RBFOX3: variants seen among roughly 807,000 people sequenced by gnomAD.
RBFOX3 encodes the protein RNA binding fox-1 homolog 3.
A neutral mutation model predicts 48.7 loss-of-function variants in RBFOX3; 17 were observed. The observed-to-expected ratio is 0.35, with a 90% confidence interval of 0.24 to 0.52. The LOEUF is 0.52. Ranked by LOEUF, RBFOX3 falls within the 20% of genes least tolerant of loss-of-function variation. The pLI is 0.94. For synonymous variants in RBFOX3, 212 were observed against 209.5 expected, an observed-to-expected ratio of 1.01 and a Z score of -0.10; for missense variants, 382 against 497.5, an observed-to-expected ratio of 0.77 and a Z score of 2.21.
intron 1 of RBFOX3, among the ~76,000 whole-genome samples, chr17:79,545,060 A>G (rs2090228508): frequency 6.6e-6 from 1 of 151,878 alleles, no homozygotes; most frequent in Non-Finnish European, 1.5e-5. Flanking sequence ...GAAAAACAAG[A>G]ATGAATCCTG....
At chr17:79,270,641 C>T (rs1418639089) in intron 3 of RBFOX3, among the ~76,000 whole-genome samples, 1 of 152,256 alleles carries the variant, frequency 6.6e-6, no homozygotes, top group Non-Finnish European at 1.5e-5. Context: ...CAAGACTGGT[C>T]CCCCTCCAGG....
At chr17:79,462,984 TCGCCAC>T (rs1404454186) in intron 2 of RBFOX3, among the ~76,000 whole-genome samples, 1 of 150,980 alleles carries the variant, frequency 6.6e-6, no homozygotes, top group African/African-American at 2.4e-5. Context: ...TCCACCACCA[TCGCCAC>T]TGCCACTGCC....
rs75193787 is a variant in RBFOX3 at position 79,112,354 on chromosome 17, G to T, written c.222+3140C>A. Among the ~76,000 whole-genome samples, 404 of 152,298 alleles carry T rather than the reference G, an allele frequency of 2.7e-3. 2 individuals are homozygous for T. The highest frequency in any genetic ancestry group is 9.2e-3 in the African/African-American group (384 of 41,556). Reference sequence around the variant, plus strand: ...GGTGCATCCCACCTGGGTGGTGGAGGTGTCGGGAAAGGCCCTGAGTTGGAT... The same window carrying T: ...GGTGCATCCCACCTGGGTGGTGGAGTTGTCGGGAAAGGCCCTGAGTTGGAT... On this transcript the variant is annotated intron_variant, in intron 5 of 14. Transcript: ENST00000693108.
At chr17:79,413,938 T>C (rs2064890215) in intron 2 of RBFOX3, among the ~76,000 whole-genome samples, 2 of 150,290 alleles carry the variant, frequency 1.3e-5, no homozygotes, top group Non-Finnish European at 3.0e-5. Flanking sequence ...TGGCGTGGGC[T>C]CTGGGGGTAG....
At chr17:79,590,091 G>T (rs2093373343) in intron 1 of RBFOX3, among the ~76,000 whole-genome samples, 2 of 152,016 alleles carry the variant, frequency 1.3e-5, no homozygotes, top group South Asian at 4.1e-4. Flanking sequence ...GGTGCTTCCT[G>T]TGCTGCTCAG....
intron 2 of RBFOX3, among the ~76,000 whole-genome samples, chr17:79,465,489 G>A (rs1239171120): frequency 1.3e-5 from 2 of 151,842 alleles, no homozygotes; most frequent in African/African-American, 4.8e-5. Context: ...CAGCCTCCTG[G>A]CAATCTGAAC....
rs1336832345 is a variant in RBFOX3 at position 79,479,928 on chromosome 17, G to T, written c.-175+2526C>A. The stretch of plus-strand genomic sequence containing the variant: ...AGGCGTCTGAGGTTCCAGAGACAGA[G>T]CATGATCTCAGGGGGTCTCTCGTCC... On this transcript the variant is annotated intron_variant, in intron 2 of 14. Coordinates refer to ENST00000693108, the MANE Select transcript of RBFOX3 (RefSeq NM_001350451.2). The surrounding 1 kb of genome is among the most constrained non-coding windows in gnomAD (Gnocchi z 5.1). Among the ~76,000 whole-genome samples, 5 of 152,316 alleles carry T rather than the reference G, an allele frequency of 3.3e-5. No individual in the cohort carries two copies. The highest frequency in any genetic ancestry group is 1.3e-4 in the Admixed American group (2 of 15,302).
intron 2 of RBFOX3, among the ~76,000 whole-genome samples, chr17:79,380,259 A>G (rs2059739593): frequency 6.6e-6 from 1 of 152,192 alleles, no homozygotes; most frequent in Admixed American, 6.5e-5. Context: ...CAGCAGAAGG[A>G]TTTAATTGCA....
rs2078624218 is a variant in RBFOX3 at position 79,480,500 on chromosome 17, G to C, written c.-175+1954C>G. ...CTGCAGTGGCTCCCACCACCCTTAAGACAAAATCCAAAGTCCTCAGTCCCA... is the reference window on the plus strand; with the variant it reads ...CTGCAGTGGCTCCCACCACCCTTAACACAAAATCCAAAGTCCTCAGTCCCA... On this transcript the variant is annotated intron_variant, in intron 2 of 14. Coordinates refer to ENST00000693108, the MANE Select transcript of RBFOX3 (RefSeq NM_001350451.2). This position sits in a 1 kb window ranked among gnomAD's most constrained non-coding sequence, Gnocchi z 4.8. Among the ~76,000 whole-genome samples the C allele has an allele frequency of 1.3e-5, 2 of 152,098 alleles. No individual in the cohort carries two copies. The highest frequency in any genetic ancestry group is 4.8e-5 in the African/African-American group (2 of 41,406).
chr17:79,525,294 A>G (rs1371512443), intron 1 of RBFOX3, among the ~76,000 whole-genome samples: 1 of 152,124 alleles, frequency 6.6e-6, no homozygotes, highest in Non-Finnish European at 1.5e-5. Flanking sequence ...CCCGGGGCAA[A>G]ATCACCCCCT....
Position 79,174,707 on chromosome 17 carries a change from C to T in RBFOX3, c.-33-58959G>A, listed in dbSNP as rs750372723. ...ACACTCACATGCACTTGCACACACA[C>T]AGACACATGCACACAATGCATTCAC... On this transcript the variant is annotated intron_variant, in intron 4 of 14. Transcript: ENST00000693108. Among the ~76,000 whole-genome samples, 4 of 152,130 alleles carry T rather than the reference C, an allele frequency of 2.6e-5. No individual in the cohort carries two copies. The East Asian group carries it at 7.7e-4, about 29-fold the overall frequency.
At chr17:79,578,200 G>A (rs1049830049) in intron 1 of RBFOX3, among the ~76,000 whole-genome samples, 210 of 152,378 alleles carry the variant, frequency 1.4e-3, no homozygotes, top group African/African-American at 4.2e-3. Context: ...GGATTTTGGC[G>A]ATGCCGGGAG....
intron 4 of RBFOX3, among the ~76,000 whole-genome samples, chr17:79,159,290 G>C (rs955845922): frequency 1.3e-5 from 2 of 152,164 alleles, no homozygotes; most frequent in Admixed American, 1.3e-4. Flanking sequence ...GAGAGTCCTG[G>C]GGGTAGAGCT....
In RBFOX3 at chr17:79,089,757, T is replaced by G. The variant is rs1568102020; in HGVS notation, c.*1126A>C. 6.5e-6 allele frequency: 1 copy of G among 152,720 alleles called. No homozygotes were observed. Among genetic ancestry groups the G allele is most frequent in the Non-Finnish European group, 1.5e-5 (1 of 68,116 alleles). The allele number at this position is 152,720 out of a possible 1,614,324, so 9.5% of individuals were successfully genotyped here. ...TCGCCAGGGGTTCCTCCCTGCCACC[T>G]GCTCTGCTCCTGCTCCTCCCACCGG... On this transcript the variant is annotated 3_prime_UTR_variant, in exon 15 of 15. Transcript: ENST00000693108.
At position 79,103,974 on chromosome 17, in the gene RBFOX3, G is replaced by A. The variant is rs2076920737; in HGVS notation, c.414+99C>T. On this transcript the variant is annotated intron_variant, in intron 7 of 14. Coordinates refer to ENST00000693108, the MANE Select transcript of RBFOX3 (RefSeq NM_001350451.2). This position sits in a 1 kb window ranked among gnomAD's most constrained non-coding sequence, Gnocchi z 6.1. ...GCACCCGTGTCGCTCAGGGGTCCTCGGGCGCGAAGCTCTCCAGGAAGGAAA... is the reference window on the plus strand; with the variant it reads ...GCACCCGTGTCGCTCAGGGGTCCTCAGGCGCGAAGCTCTCCAGGAAGGAAA... The A allele has an allele frequency of 1.9e-6, 2 of 1,045,610 alleles. No homozygotes were observed. Among genetic ancestry groups the A allele is most frequent in the Non-Finnish European group, 2.9e-6 (2 of 691,382 alleles). 64.8% of individuals were successfully genotyped at this position (1,045,610 alleles called of 1,614,324 possible).
intron 1 of RBFOX3, among the ~76,000 whole-genome samples, chr17:79,569,011 C>T (rs1568422415): frequency 6.6e-6 from 1 of 152,116 alleles, no homozygotes; most frequent in Non-Finnish European, 1.5e-5. Flanking sequence ...AGAAATACCC[C>T]CACTAGCCTC....
At chr17:79,514,952 G>A (rs1419223777) in intron 1 of RBFOX3, among the ~76,000 whole-genome samples, 2 of 152,134 alleles carry the variant, frequency 1.3e-5, no homozygotes, top group East Asian at 3.9e-4. Flanking sequence ...GCTCGGCGCT[G>A]CCCCATTCCT....
At chr17:79,092,714 A>T in intron 14 of RBFOX3, 1 of 798,916 alleles carries the variant, frequency 1.3e-6, no homozygotes, top group Non-Finnish European at 1.5e-6. Context: ...AAAAGAAAAA[A>T]AAAAAGGAAA....
intron 4 of RBFOX3, among the ~76,000 whole-genome samples, chr17:79,132,528 AT>A (rs140524168): frequency 2.0e-5 from 3 of 152,288 alleles, no homozygotes; most frequent in African/African-American, 7.2e-5. Flanking sequence ...AACAGCGTAC[AT>A]TGCTGGTCTG....
Sources: gnomAD v4.1 joint callset for allele counts (sites outside exome capture counted in the v4.1 genomes callset) on GRCh38, gnomAD v4.1.1 for gene constraint, Gnocchi (gnomAD v3.1) non-coding constraint, MANE v1.5 for transcripts, NCBI Gene and HGNC (gene_info 2026-07-23, HGNC 2026-07-21) for gene names.